Variants in GREP1 observed in about 807,000 individuals in gnomAD.
The protein encoded by GREP1 is glycine rich extracellular protein 1, also known as glycine-rich extracellular protein 1.
chr16:3,001,970 GTTTTCA>G lies in GREP1; in HGVS notation c.*388_*393del, dbSNP rs1211581044. On this transcript the variant is annotated 3_prime_UTR_variant, in exon 35 of 35. Transcript: ENST00000573315. ...TGGAAAAGAACACTTCATTCTTTGT[GTTTTCA>G]TTTATAATCGATTTATTAAAGTTGT... The G allele has an allele frequency of 1.3e-5, 3 of 233,428 alleles. No individual in the cohort carries two copies. In the Admixed American group the frequency reaches 1.7e-4, roughly 13 times the overall value. 14.5% of individuals were successfully genotyped at this position (233,428 alleles called of 1,614,324 possible).
chr16:2,998,046 GT>G (rs2072435839), intron 23 of GREP1, among the ~76,000 whole-genome samples: 1 of 125,246 alleles, frequency 8.0e-6, no homozygotes, highest in Non-Finnish European at 1.6e-5. Context: ...ACAGAGTTGG[GT>G]CTCAGTGGGG....
At chr16:2,994,183 T>C (rs1347647074) in intron 10 of GREP1, 1 of 149,542 alleles carries the variant, frequency 6.7e-6, no homozygotes, top group African/African-American at 2.5e-5. Context: ...AAAAGGAGAG[T>C]TTTGAACAAA....
intron 21 of GREP1, 97 bp downstream of exon 20, chr16:2,997,182 G>T: frequency 2.5e-6 from 1 of 399,018 alleles, no homozygotes; most frequent in Non-Finnish European, 4.4e-6. Context: ...TCAGGAGGGG[G>T]CTGGGAGCCG....
rs1340089046 is a variant in GREP1 at position 2,992,617 on chromosome 16, C to T, written c.323-188C>T. 1.3e-5 allele frequency: 5 copies of T among 390,474 alleles called. No individual in the cohort carries two copies. The highest frequency in any genetic ancestry group is 4.1e-5 in the African/African-American group (2 of 48,492). The allele number at this position is 390,474 out of a possible 1,614,324, so 24.2% of individuals were successfully genotyped here. ...CACCCAAGCTGGTCAAGGGTGGCCA[C>T]GGTCTGGACTCCCGGGCCAAGAACC... is the stretch of plus-strand genomic sequence containing the variant. On this transcript the variant is annotated intron_variant, in intron 8 of 34. Coordinates refer to ENST00000573315, the Ensembl canonical transcript of GREP1. The surrounding 1 kb of genome is among the most constrained non-coding windows in gnomAD (Gnocchi z 4.9).
At chr16:2,996,348 C>G in intron 18 of GREP1, 148 bp from the exon 18 acceptor site, 1 of 397,124 alleles carries the variant, frequency 2.5e-6, no homozygotes, top group Admixed American at 4.4e-5. Flanking sequence ...CCGGATGTGG[C>G]TCTGCCTCTG....
At position 2,988,598 on chromosome 16, in the gene GREP1, C is replaced by G. The variant is rs1005568984; in HGVS notation, c.76C>G (p.Leu26Val). The change falls in exon 2 of 35, where the codon CTT (leucine) becomes GTT (valine). Residue 26 changes from leucine to valine, a missense_variant. By Grantham distance (32) the Leu-to-Val change is conservative. Transcript: ENST00000573315. ...CTGTCTTGCTTCCGCAGGGCTGCCC[C>G]TTCTGCCTCCTGGCCTGGGGAAAGG... The G allele has an allele frequency of 1.3e-5, 5 of 399,110 alleles. No homozygotes were observed. In the Admixed American group the frequency reaches 1.3e-4, roughly 11 times the overall value. 24.7% of individuals were successfully genotyped at this position (399,110 alleles called of 1,614,324 possible). A position where few individuals can be genotyped will look rare whatever the true frequency, so the allele number is the denominator to read the frequency against.
In GREP1 at chr16:3,001,886, GGGCATCA is replaced by G. The variant is rs2072464097; in HGVS notation, c.*301_*307del. On this transcript the variant is annotated 3_prime_UTR_variant, in exon 35 of 35. Transcript: ENST00000573315. ...CTCGATCAACGCCTGCCCTCAGGGA[GGGCATCA>G]CTTGGTGACCGCCTAGCGGGGGAAC... is the stretch of plus-strand genomic sequence containing the variant. The G allele has an allele frequency of 8.2e-6, 3 of 366,784 alleles. No individual in the cohort carries two copies. In the East Asian group the frequency reaches 1.2e-4, roughly 14 times the overall value. The allele number at this position is 366,784 out of a possible 1,614,324, so 22.7% of individuals were successfully genotyped here.
At position 3,000,732 on chromosome 16, in the gene GREP1, G is replaced by A. The variant is rs1255669893; in HGVS notation, c.1436G>A (p.Trp479Ter). 5 of 398,884 alleles carry A rather than the reference G, an allele frequency of 1.3e-5. No homozygotes were observed. Among genetic ancestry groups the A allele is most frequent in the Non-Finnish European group, 2.2e-5 (5 of 226,110 alleles). The allele number at this position is 398,884 out of a possible 1,614,324, so 24.7% of individuals were successfully genotyped here. A position where few individuals can be genotyped will look rare whatever the true frequency, so the allele number is the denominator to read the frequency against. Residue 479 changes from tryptophan (W) to a stop codon, truncating the protein, a stop_gained, in exon 33 of 35, where the codon TGG (tryptophan) becomes TAG (stop). Coordinates refer to ENST00000573315, the Ensembl canonical transcript of GREP1. LOFTEE classifies it high-confidence loss of function. ...CCCACAGGGCAGGCCGGGGTGCTGTGGAACTCTCGCTGGCCCACCCTCCAG... is the reference window on the plus strand; with the variant it reads ...CCCACAGGGCAGGCCGGGGTGCTGTAGAACTCTCGCTGGCCCACCCTCCAG...
chr16:2,998,032 A>AGG (rs2072435655), intron 23 of GREP1, among the ~76,000 whole-genome samples, 197 bp downstream of exon 21: 1 of 133,318 alleles, frequency 7.5e-6, no homozygotes, highest in Non-Finnish European at 1.6e-5. Context: ...ACAGGCTCCA[A>AGG]CGGACAGAGT....
At chr16:2,994,757 C>T (rs1032175758) in intron 11 of GREP1, 30 bp downstream of exon 12, 3 of 399,042 alleles carry the variant, frequency 7.5e-6, no homozygotes, top group Non-Finnish European at 1.3e-5. Flanking sequence ...TTGGGGAGGC[C>T]CAGAGCTGGG....
rs1277946673 is a variant in GREP1 at position 2,992,126 on chromosome 16, A to C, written c.323-679A>C. On this transcript the variant is annotated intron_variant, in intron 8 of 34. Transcript: ENST00000573315. The surrounding 1 kb of genome is among the most constrained non-coding windows in gnomAD (Gnocchi z 4.9). Reference sequence around the variant, plus strand: ...CGGTCTCCCAAGATCTGGTGATGGGAATGGGATGGGAGCTGGGGCCTTCCT... The same window carrying C: ...CGGTCTCCCAAGATCTGGTGATGGGCATGGGATGGGAGCTGGGGCCTTCCT... 6.6e-6 allele frequency: 1 copy of C among 152,592 alleles called. No homozygotes were observed. Among genetic ancestry groups the C allele is most frequent in the Non-Finnish European group, 1.5e-5 (1 of 68,382 alleles). 9.5% of individuals were successfully genotyped at this position (152,592 alleles called of 1,614,324 possible). A position where few individuals can be genotyped will look rare whatever the true frequency, so the allele number is the denominator to read the frequency against.
intron 4 of GREP1, 30 bp downstream of exon 4, chr16:2,990,036 T>A: frequency 2.5e-6 from 1 of 399,486 alleles, no homozygotes; most frequent in Non-Finnish European, 4.4e-6. Context: ...CAGCTCTTTG[T>A]CTCCCCCTCT....
At chr16:3,001,034 C>T (rs1421317352) in intron 33 of GREP1, among the ~76,000 whole-genome samples, 3 of 152,160 alleles carry the variant, frequency 2.0e-5, no homozygotes, top group Admixed American at 6.5e-5. Flanking sequence ...CAGAAGAGCC[C>T]GGGACCCTGA....
rs1415807175 is a variant in GREP1, at chr16:2,992,796, C to T, written c.323-9C>T. 1.3e-5 allele frequency: 5 copies of T among 399,050 alleles called. No individual in the cohort carries two copies. The highest frequency in any genetic ancestry group is 2.1e-5 in the African/African-American group (1 of 48,642). 24.7% of individuals were successfully genotyped at this position (399,050 alleles called of 1,614,324 possible). Reference sequence around the variant, plus strand: ...CACCTTCCACACTCCTGTGTCTGCCCTCAAACAGGTCCTGCCGCTCAAAAT... The same window carrying T: ...CACCTTCCACACTCCTGTGTCTGCCTTCAAACAGGTCCTGCCGCTCAAAAT... On this transcript the variant is annotated splice_polypyrimidine_tract_variant and intron_variant, in intron 8 of 34. Coordinates refer to ENST00000573315, the Ensembl canonical transcript of GREP1. The surrounding 1 kb of genome is among the most constrained non-coding windows in gnomAD (Gnocchi z 4.9).
intron 2 of GREP1, 83 bp downstream of exon 2, chr16:2,988,705 C>A (rs757422814): frequency 1.0e-5 from 4 of 398,680 alleles, no homozygotes; most frequent in Non-Finnish European, 1.8e-5. Context: ...CTGGGACTCC[C>A]GATGCGGGGC....
rs1476035420 is a variant in GREP1 at position 2,992,563 on chromosome 16, C to T, written c.323-242C>T. 1 of 363,816 alleles carries T rather than the reference C, an allele frequency of 2.7e-6. No homozygotes were observed. The highest frequency in any genetic ancestry group is 4.9e-6 in the Non-Finnish European group (1 of 204,002). 22.5% of individuals were successfully genotyped at this position (363,816 alleles called of 1,614,324 possible). A position where few individuals can be genotyped will look rare whatever the true frequency, so the allele number is the denominator to read the frequency against. On this transcript the variant is annotated intron_variant, in intron 8 of 34. Coordinates refer to ENST00000573315, the Ensembl canonical transcript of GREP1. This position sits in a 1 kb window ranked among gnomAD's most constrained non-coding sequence, Gnocchi z 4.9. Reference sequence around the variant, plus strand: ...CCCAATCTCCCCTGAGCACCCGTCCCAAGCCAGGCCTCGGCTGGCCATGGA... The same window carrying T: ...CCCAATCTCCCCTGAGCACCCGTCCTAAGCCAGGCCTCGGCTGGCCATGGA...
In GREP1 at chr16:2,994,969, G is replaced by T. The variant is rs1210692512; in HGVS notation, c.484+7G>T. ...GGGCTGGGAGCCCAGCCAGGTGAAG[G>T]GGGTACAGTCTGGGGTTCCAGGGTC... On this transcript the variant is annotated splice_region_variant and intron_variant, in intron 13 of 34. Transcript: ENST00000573315. 1.8e-5 allele frequency: 7 copies of T among 398,998 alleles called. No individual in the cohort carries two copies. The highest frequency in any genetic ancestry group is 4.4e-5 in the Admixed American group (1 of 22,706). 24.7% of individuals were successfully genotyped at this position (398,998 alleles called of 1,614,324 possible).
rs546989966 is a variant in GREP1 at position 2,995,846 on chromosome 16, T to A, written c.623-11T>A. 1.6e-4 allele frequency: 65 copies of A among 398,044 alleles called. 1 individual carries two copies. The highest frequency in any genetic ancestry group is 1.3e-3 in the African/African-American group (62 of 48,470). The allele number at this position is 398,044 out of a possible 1,614,324, so 24.7% of individuals were successfully genotyped here. On this transcript the variant is annotated splice_polypyrimidine_tract_variant and intron_variant, in intron 17 of 34. Coordinates refer to ENST00000573315, the Ensembl canonical transcript of GREP1. ...CCATAAGCACTCTACTCATGCTCCC[T>A]CCCTCTCCAGGATATGGGAAAAGGC...
chr16:2,997,258 C>A lies in GREP1; in HGVS notation c.887-131C>A, dbSNP rs1247795040. 15 of 398,784 alleles carry A rather than the reference C, an allele frequency of 3.8e-5. No individual in the cohort carries two copies. The East Asian group carries it at 3.9e-4, about 10-fold the overall frequency. The allele number at this position is 398,784 out of a possible 1,614,324, so 24.7% of individuals were successfully genotyped here. ...CCCAGGCCTCCAGAGCAGGTGGACA[C>A]CAAAATGAGGGAGGAGAGGTGGCGC... On this transcript the variant is annotated intron_variant, in intron 21 of 34. Transcript: ENST00000573315.
Sources: gnomAD v4.1 joint callset for allele counts (sites outside exome capture counted in the v4.1 genomes callset) on GRCh38, gnomAD v4.1.1 for gene constraint, Gnocchi (gnomAD v3.1) non-coding constraint, MANE v1.5 for transcripts, NCBI Gene and HGNC (gene_info 2026-07-23, HGNC 2026-07-21) for gene names.